NCOR2: variants seen among roughly 807,000 people sequenced by gnomAD.
NCOR2 encodes CTG repeat protein 26.
Under a neutral mutation model 262.9 loss-of-function variants are expected in NCOR2, and 81 were observed. The ratio of observed to expected loss-of-function variants is 0.31; its 90% CI spans 0.26 to 0.37. The LOEUF (loss-of-function observed/expected upper bound fraction) is 0.37, where lower values mean the gene tolerates loss of function less well. Ranked by LOEUF, NCOR2 falls within the 10% of genes least tolerant of loss-of-function variation. NCOR2 has a pLI of 1.00. For synonymous variants in NCOR2, 1,659 were observed against 1,559.3 expected (o/e 1.06, Z -1.51); for missense variants, 3,385 against 3,621.4 (o/e 0.93, Z 1.68).
At chr12:124,506,439 C>T (rs1054239290) in intron 1 of NCOR2, among the ~76,000 whole-genome samples, 3 of 152,194 alleles carry the variant, frequency 2.0e-5, no homozygotes, top group African/African-American at 7.2e-5. Context: ...CCTGCTCCCC[C>T]GCCACGGCGA....
intron 32 of NCOR2, among the ~76,000 whole-genome samples, chr12:124,343,809 G>A (rs915498212): frequency 6.6e-6 from 1 of 152,082 alleles, no homozygotes; most frequent in African/African-American, 2.4e-5. Flanking sequence ...TGTATTTTTA[G>A]TAGAGACAGG....
chr12:124,363,240 T>TCACCTCCCTGGAGAAGG (rs2038757465), intron 21 of NCOR2, among the ~76,000 whole-genome samples: 1 of 152,210 alleles, frequency 6.6e-6, no homozygotes, highest in Non-Finnish European at 1.5e-5. Context: ...AAGGCCAGAC[T>TCACCTCCCTGGAGAAGG]CACCTCCCTG....
At chr12:124,334,791 G>A in intron 40 of NCOR2, 174 bp from the exon 43 acceptor site, 1 of 593,754 alleles carries the variant, frequency 1.7e-6, no homozygotes, top group East Asian at 2.8e-5. Context: ...GTGCATGGGA[G>A]TGGGGCTGTG....
intron 41 of NCOR2, among the ~76,000 whole-genome samples, chr12:124,333,953 C>CGTGTGT (rs59660036): frequency 8.9e-6 from 1 of 112,686 alleles, no homozygotes; most frequent in South Asian, 2.8e-4. Flanking sequence ...TGGGTGTGCA[C>CGTGTGT]GTGTGTGTGT....
intron 15 of NCOR2, among the ~76,000 whole-genome samples, chr12:124,399,813 C>G (rs939584642): frequency 6.6e-6 from 1 of 152,110 alleles, no homozygotes; most frequent in Non-Finnish European, 1.5e-5. Context: ...AGACAACAGA[C>G]GCACACCGCT....
rs2045410452 is a variant in NCOR2 at position 124,449,870 on chromosome 12, G to A, written c.763-3C>T. The A allele has an allele frequency of 5.0e-6, 8 of 1,613,880 alleles. No individual in the cohort carries two copies. The highest frequency in any genetic ancestry group is 6.8e-6 in the Non-Finnish European group (8 of 1,179,884). ...TCGGAGGGCTGGTTGTACAGCGGCT[G>A]CAAAGGGAGAGAGAGAAGCACATCA... is the stretch of plus-strand genomic sequence containing the variant. On this transcript the variant is annotated splice_region_variant and splice_polypyrimidine_tract_variant and intron_variant, in intron 6 of 46. Coordinates refer to ENST00000405201, the Ensembl canonical transcript of NCOR2.
At chr12:124,411,862 C>G (rs1055124528) in intron 13 of NCOR2, among the ~76,000 whole-genome samples, 1 of 152,056 alleles carries the variant, frequency 6.6e-6, no homozygotes, top group East Asian at 1.9e-4. Flanking sequence ...GGCCAGGTTC[C>G]GGGAGGTGGG....
chr12:124,451,551 G>C (rs542159681), intron 6 of NCOR2, among the ~76,000 whole-genome samples: 26 of 145,818 alleles, frequency 1.8e-4, no homozygotes, highest in African/African-American at 4.3e-4. Context: ...CTGAGTCTCT[G>C]TGTGTGTGTG....
At chr12:124,423,740 G>C (rs1001351503) in intron 11 of NCOR2, among the ~76,000 whole-genome samples, 1 of 152,222 alleles carries the variant, frequency 6.6e-6, no homozygotes, top group African/African-American at 2.4e-5. Context: ...TCAAACTTGG[G>C]AATCTCCTAG....
At position 124,481,331 on chromosome 12, in the gene NCOR2, G is replaced by A. The variant is rs575003850; in HGVS notation, c.411+2265C>T. ...CCCAAGCCCAGACCCAAGTGCAGGC[G>A]GCCCAAGCCCCAGGCCACAGAGACC... is the stretch of plus-strand genomic sequence containing the variant. On this transcript the variant is annotated intron_variant, in intron 3 of 46. Transcript: ENST00000405201. This position sits in a 1 kb window ranked among gnomAD's most constrained non-coding sequence, Gnocchi z 4.6. 8.5e-5 allele frequency among the ~76,000 whole-genome samples: 13 copies of A among 152,166 alleles called. No individual in the cohort carries two copies. Among genetic ancestry groups the A allele is most frequent in the African/African-American group, 2.9e-4 (12 of 41,516 alleles).
chr12:124,425,511 G>A (rs2043483195), intron 11 of NCOR2, among the ~76,000 whole-genome samples: 1 of 151,992 alleles, frequency 6.6e-6, no homozygotes, highest in Non-Finnish European at 1.5e-5. Context: ...TGTGGCCTGG[G>A]GAAGCCAAAA....
chr12:124,327,436 G>A (rs577903613), exon 45 of NCOR2: 25 of 1,611,968 alleles, frequency 1.6e-5, no homozygotes, highest in Middle Eastern at 4.1e-4. Flanking sequence ...TGGTCACTCC[G>A]TCCGTCAGCA....
chr12:124,532,303 G>A (rs1256011301), intron 1 of NCOR2, among the ~76,000 whole-genome samples: 1 of 152,056 alleles, frequency 6.6e-6, no homozygotes, highest in African/African-American at 2.4e-5. Flanking sequence ...GTCCCAGAGG[G>A]GCCCCACAGA....
In NCOR2 at chr12:124,363,183, T is replaced by C. The variant is rs138933589; in HGVS notation, c.2928+496A>G. Among the ~76,000 whole-genome samples the C allele has an allele frequency of 2.8e-3, 423 of 152,338 alleles. 2 individuals are homozygous for C. Among genetic ancestry groups the C allele is most frequent in the African/African-American group, 8.8e-3 (364 of 41,580 alleles). ...TCAAAGTCCCAAGGGACCACCAGCC[T>C]GGTCAGCTCAGGGTCTTTTAGCCCG... On this transcript the variant is annotated intron_variant, in intron 21 of 46. Coordinates refer to ENST00000405201, the Ensembl canonical transcript of NCOR2.
chr12:124,517,736 C>T lies in NCOR2; in HGVS notation c.-118+17829G>A, dbSNP rs1303163476. Among the ~76,000 whole-genome samples the T allele has an allele frequency of 6.6e-6, 1 of 152,236 alleles. No individual in the cohort carries two copies. The highest frequency in any genetic ancestry group is 1.5e-5 in the Non-Finnish European group (1 of 68,028). On this transcript the variant is annotated intron_variant, in intron 1 of 46. Transcript: ENST00000404621. This position sits in a 1 kb window ranked among gnomAD's most constrained non-coding sequence, Gnocchi z 7.6. ...CCAAGGAGAGGAGCACAGTGCCCAC[C>T]CGGGTCCCCTCCCACGCGGGCCGGC... is the stretch of plus-strand genomic sequence containing the variant.
chr12:124,358,332 T>C (rs2038179626), intron 22 of NCOR2, among the ~76,000 whole-genome samples: 1 of 148,946 alleles, frequency 6.7e-6, no homozygotes, highest in African/African-American at 2.4e-5. Context: ...TGCATGGATG[T>C]GTGTGTGCCT....
chr12:124,485,134 T>C (rs1046484432), intron 2 of NCOR2, among the ~76,000 whole-genome samples: 2 of 152,202 alleles, frequency 1.3e-5, no homozygotes, highest in African/African-American at 2.4e-5. Context: ...AACATGATAG[T>C]GGCACTGCAG....
chr12:124,347,809 G>A lies in NCOR2; in HGVS notation c.4072+16C>T. On this transcript the variant is annotated intron_variant, in intron 30 of 46. Coordinates refer to ENST00000405201, the Ensembl canonical transcript of NCOR2. ...ACCCGTTGGGGGCAACGAGGGAGCA[G>A]GGAACAGGGCAGTACCTTGTGTGAT... The A allele has an allele frequency of 6.4e-7, 1 of 1,555,610 alleles. No homozygotes were observed. Among genetic ancestry groups the A allele is most frequent in the Non-Finnish European group, 8.7e-7 (1 of 1,149,328 alleles).
At chr12:124,444,604 C>G (rs890159613) in intron 7 of NCOR2, among the ~76,000 whole-genome samples, 1 of 152,000 alleles carries the variant, frequency 6.6e-6, no homozygotes, top group African/African-American at 2.4e-5. Flanking sequence ...GCCCTGGGTT[C>G]TAGGGAGGGA....
Sources: gnomAD v4.1 joint callset for allele counts (sites outside exome capture counted in the v4.1 genomes callset) on GRCh38, gnomAD v4.1.1 for gene constraint, Gnocchi (gnomAD v3.1) non-coding constraint, MANE v1.5 for transcripts, NCBI Gene and HGNC (gene_info 2026-07-23, HGNC 2026-07-21) for gene names.